The following SHISA9 variants were observed in gnomAD, a reference collection of about 807,000 sequenced individuals.
SHISA9 encodes protein shisa-9.
SHISA9 carries 13 observed loss-of-function variants against 38.0 expected under a neutral mutation model. The ratio of observed to expected loss-of-function variants is 0.34; its 90% CI spans 0.22 to 0.54. The LOEUF is 0.54. Ranked by LOEUF, SHISA9 falls within the 20% of genes least tolerant of loss-of-function variation. SHISA9 has a pLI of 0.91. For synonymous variants in SHISA9, 275 were observed against 242.0 expected, an observed-to-expected ratio of 1.14 and a Z score of -1.27; for missense variants, 538 against 575.8, an observed-to-expected ratio of 0.93 and a Z score of 0.67.
rs150993803 is a variant in SHISA9, at chr16:13,080,368, G to A, written c.692-123026G>A. Among the ~76,000 whole-genome samples the A allele has an allele frequency of 1.5e-3, 224 of 152,220 alleles. 4 individuals carry two copies. Among genetic ancestry groups the A allele is most frequent in the Middle Eastern group, 6.8e-3 (2 of 294 alleles). On this transcript the variant is annotated intron_variant, in intron 2 of 4. Transcript: ENST00000558583. ...AGCCTGGGCGATAGAGTGAGACTCC[G>A]TCTCAAAAAAATAAATAAATAAGTA...
chr16:13,070,473 G>T (rs13334195), intron 2 of SHISA9, among the ~76,000 whole-genome samples: 7,756 of 152,264 alleles, frequency 0.051, 342 homozygotes, highest in Admixed American at 0.14. Flanking sequence ...TTCCCCTTTG[G>T]GGGAGGGACA....
At chr16:13,061,812 G>T (rs1220552767) in intron 2 of SHISA9, among the ~76,000 whole-genome samples, 1 of 152,150 alleles carries the variant, frequency 6.6e-6, no homozygotes, top group Admixed American at 6.5e-5. Context: ...GAAGTGATGG[G>T]TTGGGCCTCT....
chr16:13,383,316 G>GGA, the SHISA9 span, among the ~76,000 whole-genome samples: 1 of 152,312 alleles, frequency 6.6e-6, no homozygotes, highest in Middle Eastern at 3.4e-3. Flanking sequence ...GCTCAAGGCA[G>GGA]GAGTGTGTGT....
rs75875031 is a variant in SHISA9, at chr16:12,952,809, T to C, written c.691+35994T>C. The stretch of plus-strand genomic sequence containing the variant: ...CAGAACTGTGAGTCAATTGACCCTC[T>C]TTTCTTCATAAATTACCCAGTCTCA... On this transcript the variant is annotated intron_variant, in intron 2 of 4. Transcript: ENST00000558583. Among the ~76,000 whole-genome samples the C allele has an allele frequency of 7.3e-3, 1,105 of 152,306 alleles. 13 individuals carry two copies. The highest frequency in any genetic ancestry group is 0.024 in the African/African-American group (1,011 of 41,566).
intron 4 of SHISA9, among the ~76,000 whole-genome samples, chr16:13,221,087 C>T (rs1167888517): frequency 6.6e-6 from 1 of 151,840 alleles, no homozygotes; most frequent in Non-Finnish European, 1.5e-5. Flanking sequence ...AGGGTTAAGA[C>T]TAAAAAAGGG....
At chr16:13,147,313 G>A (rs983398787) in intron 2 of SHISA9, among the ~76,000 whole-genome samples, 2 of 152,086 alleles carry the variant, frequency 1.3e-5, no homozygotes, top group Non-Finnish European at 2.9e-5. Flanking sequence ...GCGGGAAAGA[G>A]TTAAGACAAG....
At chr16:13,256,527 A>C in the SHISA9 span, among the ~76,000 whole-genome samples, 2 of 152,120 alleles carry the variant, frequency 1.3e-5, no homozygotes, top group African/African-American at 4.8e-5. Context: ...TGATCCGCCC[A>C]CCTCGGCCTA....
the SHISA9 span, among the ~76,000 whole-genome samples, chr16:13,431,191 C>T: frequency 6.6e-6 from 1 of 152,232 alleles, no homozygotes; most frequent in Non-Finnish European, 1.5e-5. Context: ...TCATCCCACA[C>T]ACAAAACCTT....
intron 2 of SHISA9, among the ~76,000 whole-genome samples, chr16:13,021,403 G>T (rs1235372645): frequency 6.6e-6 from 1 of 152,190 alleles, no homozygotes; most frequent in Admixed American, 6.5e-5. Context: ...GTTCTCCTGA[G>T]AGTGCATTTA....
chr16:13,515,149 G>T, the SHISA9 span, among the ~76,000 whole-genome samples: 2 of 152,096 alleles, frequency 1.3e-5, no homozygotes, highest in Non-Finnish European at 2.9e-5. Flanking sequence ...GGAAATGTCT[G>T]CACCCCCTGC....
intron 2 of SHISA9, among the ~76,000 whole-genome samples, chr16:13,046,025 T>C (rs1567194022): frequency 6.6e-6 from 1 of 152,192 alleles, no homozygotes; most frequent in Non-Finnish European, 1.5e-5. Flanking sequence ...TCAAAGCCCA[T>C]TAATTTTCTC....
At chr16:13,129,429 A>C (rs1052534014) in intron 2 of SHISA9, among the ~76,000 whole-genome samples, 4 of 152,160 alleles carry the variant, frequency 2.6e-5, no homozygotes, top group African/African-American at 9.7e-5. Flanking sequence ...GGGGAGAGTG[A>C]AAGACTGGGG....
chr16:13,125,986 A>G (rs1030012925), intron 2 of SHISA9, among the ~76,000 whole-genome samples: 2 of 152,204 alleles, frequency 1.3e-5, no homozygotes, highest in African/African-American at 2.4e-5. Context: ...TCTCTTAACA[A>G]TGATTAATAA....
At chr16:13,550,496 C>T in the SHISA9 span, among the ~76,000 whole-genome samples, 2 of 152,184 alleles carry the variant, frequency 1.3e-5, no homozygotes, top group African/African-American at 4.8e-5. Flanking sequence ...AACCATAGAT[C>T]AGCAAACACA....
chr16:12,949,300 C>T (rs1480512998), intron 2 of SHISA9, among the ~76,000 whole-genome samples: 5 of 152,196 alleles, frequency 3.3e-5, no homozygotes, highest in Non-Finnish European at 5.9e-5. Context: ...CCTGATTCCA[C>T]GGGCAGCTCT....
chr16:13,221,944 G>A (rs540688912), intron 4 of SHISA9, among the ~76,000 whole-genome samples: 11 of 152,264 alleles, frequency 7.2e-5, no homozygotes, highest in South Asian at 2.1e-4. Flanking sequence ...AGACATACCC[G>A]AGACTGGGTA....
intron 2 of SHISA9, among the ~76,000 whole-genome samples, chr16:13,165,505 G>A (rs959528946): frequency 6.6e-6 from 1 of 152,194 alleles, no homozygotes; most frequent in African/African-American, 2.4e-5. Context: ...ATAAATAGTA[G>A]TATAGGTAGT....
chr16:12,915,840 A>G (rs2071246477), intron 1 of SHISA9, among the ~76,000 whole-genome samples: 1 of 152,230 alleles, frequency 6.6e-6, no homozygotes, highest in South Asian at 2.1e-4. Flanking sequence ...AACAATACCT[A>G]CAAAAATATA....
chr16:13,045,972 ACT>A (rs767175023), intron 2 of SHISA9, among the ~76,000 whole-genome samples: 2 of 152,202 alleles, frequency 1.3e-5, no homozygotes, highest in Non-Finnish European at 2.9e-5. Context: ...TAAATTTGTA[ACT>A]CTCTCACAGT....
Sources: gnomAD v4.1 joint callset for allele counts (sites outside exome capture counted in the v4.1 genomes callset) on GRCh38, gnomAD v4.1.1 for gene constraint, MANE v1.5 for transcripts, NCBI Gene and HGNC (gene_info 2026-07-23, HGNC 2026-07-21) for gene names.